The following ARAP1 variants were observed in gnomAD, a reference collection of about 807,000 sequenced individuals.
ARAP1 encodes arf-GAP with Rho-GAP domain, ANK repeat and PH domain-containing protein 1.
Under a neutral mutation model 172.2 loss-of-function variants are expected in ARAP1, and 76 were observed. The observed-to-expected ratio is 0.44, with a 90% CI of 0.37 to 0.53. The LOEUF is 0.53. Among genes scored for constraint, ARAP1 ranks in the 20% least tolerant of loss-of-function variants. The pLI is 0.00. For synonymous variants in ARAP1, 804 were observed against 803.3 expected, an observed-to-expected ratio of 1.00 and a Z score of -0.01; for missense variants, 1,686 against 1,977.5, an observed-to-expected ratio of 0.85 and a Z score of 2.80.
At chr11:72,690,477 C>T (rs771390498) in intron 30 of ARAP1, among the ~76,000 whole-genome samples, 1 of 152,202 alleles carries the variant, frequency 6.6e-6, no homozygotes, top group Non-Finnish European at 1.5e-5. Context: ...GCAACCCCAA[C>T]TCATGGGATC....
chr11:72,738,272 G>A (rs751399083), intron 1 of ARAP1, among the ~76,000 whole-genome samples: 9 of 152,306 alleles, frequency 5.9e-5, no homozygotes, highest in Non-Finnish European at 8.8e-5. Context: ...CTGGCCCTCC[G>A]TCACCTGCAT....
At chr11:72,732,663 G>A (rs894266638) in intron 1 of ARAP1, 66 bp from the exon 2 acceptor site, 3 of 152,650 alleles carry the variant, frequency 2.0e-5, no homozygotes, top group Non-Finnish European at 2.9e-5. Flanking sequence ...CAGAGAAGGA[G>A]AGGGGAAGAG....
Position 72,712,555 on chromosome 11 carries a change from G to C in ARAP1, c.761C>G (p.Pro254Arg), listed in dbSNP as rs115556004. The stretch of plus-strand genomic sequence containing the variant: ...GCGCACGGCCCGTGGGACTCGGCTC[G>C]GTGGGGGCTCCTCCTGCCCCCGAGA... ...RVMTKKEEPP[P>R]SRVPRAVRVA... The change falls in exon 6 of 35, where the codon CCG becomes CGG. Residue 254 changes from proline (P) to arginine (R), a missense_variant. Physicochemically the swap from Pro to Arg is moderately radical, Grantham distance 103 (BLOSUM62 -2). Transcript: ENST00000393609. 6.2e-7 allele frequency: 1 copy of C among 1,612,636 alleles called. No individual in the cohort carries two copies. The highest frequency in any genetic ancestry group is 1.1e-5 in the South Asian group (1 of 91,046).
At chr11:72,738,417 C>A (rs1044958693) in intron 1 of ARAP1, among the ~76,000 whole-genome samples, 2 of 152,116 alleles carry the variant, frequency 1.3e-5, no homozygotes, top group Non-Finnish European at 2.9e-5. Flanking sequence ...GCTCTGGAGT[C>A]CTCTTGGCCA....
At chr11:72,696,493 G>A in intron 23 of ARAP1, 56 bp downstream of exon 23, 5 of 1,400,832 alleles carry the variant, frequency 3.6e-6, no homozygotes, top group Admixed American at 2.5e-5. Flanking sequence ...CCAGGGTGGG[G>A]GTAGAAGAAC....
At chr11:72,747,301 T>C (rs1858397561) in intron 1 of ARAP1, among the ~76,000 whole-genome samples, 1 of 152,168 alleles carries the variant, frequency 6.6e-6, no homozygotes, top group Non-Finnish European at 1.5e-5. Context: ...CTCTGATGCC[T>C]TAATCTTCCT....
At chr11:72,703,683 C>T (rs960551830) in intron 14 of ARAP1, among the ~76,000 whole-genome samples, 5 of 152,236 alleles carry the variant, frequency 3.3e-5, no homozygotes, top group African/African-American at 4.8e-5. Context: ...AGCTGGCTGC[C>T]TCCCACTCAG....
chr11:72,710,061 G>T lies in ARAP1; in HGVS notation c.1417-85C>A. On this transcript the variant is annotated intron_variant, in intron 10 of 34. Coordinates refer to ENST00000393609, the MANE Select transcript of ARAP1 (RefSeq NM_001040118.3). This position sits in a 1 kb window ranked among gnomAD's most constrained non-coding sequence, Gnocchi z 4.3. ...GACAGGGAGAGGAAGGGAAGGTGGT[G>T]CAACTCAGGGACTGGGGGGGGTGCC... is the stretch of plus-strand genomic sequence containing the variant. The T allele has an allele frequency of 8.0e-7, 1 of 1,246,710 alleles. No homozygotes were observed. The highest frequency in any genetic ancestry group is 1.2e-6 in the Non-Finnish European group (1 of 851,400). The allele number at this position is 1,246,710 out of a possible 1,614,324, so 77.2% of individuals were successfully genotyped here. A position where few individuals can be genotyped will look rare whatever the true frequency, so the allele number is the denominator to read the frequency against.
chr11:72,736,841 G>A (rs1243027172), intron 1 of ARAP1, among the ~76,000 whole-genome samples: 1 of 152,146 alleles, frequency 6.6e-6, no homozygotes, highest in Non-Finnish European at 1.5e-5. Context: ...CACCCACAGG[G>A]AGGAAGTGAC....
chr11:72,718,168 C>A (rs897882025), intron 3 of ARAP1, among the ~76,000 whole-genome samples: 2 of 152,316 alleles, frequency 1.3e-5, no homozygotes, highest in East Asian at 3.9e-4. Context: ...CTGCTTACCA[C>A]AGGGTATCAG....
intron 20 of ARAP1, 37 bp from the exon 21 acceptor site, chr11:72,697,523 C>A (rs1484226819): frequency 1.2e-6 from 2 of 1,612,714 alleles, no homozygotes; most frequent in Non-Finnish European, 1.7e-6. Context: ...GGGGCCTACA[C>A]CTATCCCACC....
intron 1 of ARAP1, among the ~76,000 whole-genome samples, chr11:72,747,617 C>T (rs1858407146): frequency 1.3e-5 from 2 of 152,226 alleles, no homozygotes; most frequent in Admixed American, 1.3e-4. Context: ...CTCTTGCTTT[C>T]CTTGGCTGAG....
In ARAP1 at chr11:72,703,017, C is replaced by A; in HGVS notation, c.2055G>T (p.Gly685=). ...LAETQALLGC[G]AGINCFSGDP... ...CCCCCGAGAAGCAGTTGATCCCAGC[C>A]CCACAGCCCAGGAGCGCCTGGGTCT... The change falls in exon 15 of 35, where the codon GGG becomes GGT. Residue 685 remains glycine (G), a synonymous_variant. Transcript: ENST00000393609. 6.3e-7 allele frequency: 1 copy of A among 1,591,784 alleles called. No homozygotes were observed. Among genetic ancestry groups the A allele is most frequent in the Non-Finnish European group, 8.5e-7 (1 of 1,170,366 alleles).
At position 72,686,131 on chromosome 11, in the gene ARAP1, G is replaced by T. The variant is rs575849385; in HGVS notation, c.4246C>A (p.Arg1416=). 8 of 1,613,970 alleles carry T rather than the reference G, an allele frequency of 5.0e-6. 1 individual carries two copies. In the South Asian group the frequency reaches 8.8e-5, roughly 18 times the overall value. ...SRVSRAVPEV[R]LGSVSLIPLR... is the part of the protein sequence containing the mutation. ...GGGATCAGTGACACACTACCCAGCC[G>T]GACCTCAGGCACTGCCCGGGACACG... is the stretch of plus-strand genomic sequence containing the variant. The change falls in exon 34 of 35, where the codon CGG becomes AGG. Residue 1416 remains arginine (R), a synonymous_variant. Transcript: ENST00000393609.
intron 3 of ARAP1, among the ~76,000 whole-genome samples, chr11:72,715,338 G>A (rs996194935): frequency 3.4e-5 from 5 of 145,744 alleles, no homozygotes; most frequent in South Asian, 2.2e-4. Context: ...TGCCCTGCAG[G>A]GGCCAAGGAG....
intron 21 of ARAP1, 30 bp from the exon 22 acceptor site, chr11:72,697,225 G>T: frequency 1.3e-6 from 2 of 1,592,760 alleles, no homozygotes; most frequent in Non-Finnish European, 1.7e-6. Context: ...AGCGTTCGGG[G>T]CCTGAGGCAT....
chr11:72,703,410 G>GGGGGGC (rs1555013442), intron 14 of ARAP1: 1 of 63,680 alleles, frequency 1.6e-5, no homozygotes, highest in Admixed American at 1.3e-4. Context: ...GGAGGAGCCG[G>GGGGGGC]GGGGGGGGTG....
intron 1 of ARAP1, among the ~76,000 whole-genome samples, chr11:72,750,518 C>T (rs1858501562): frequency 1.3e-5 from 2 of 152,100 alleles, no homozygotes. Flanking sequence ...TGACCCCTTC[C>T]CCTGGGTTCT....
At chr11:72,739,406 A>G (rs1858134872) in intron 1 of ARAP1, among the ~76,000 whole-genome samples, 1 of 152,070 alleles carries the variant, frequency 6.6e-6, no homozygotes. Flanking sequence ...CAGGGCAGTG[A>G]GGACTGAGTG....
Sources: allele counts gnomAD v4.1 joint callset (sites outside exome capture counted in the v4.1 genomes callset), GRCh38; gene constraint gnomAD v4.1.1; non-coding constraint Gnocchi (gnomAD v3.1); transcripts MANE v1.5; gene names NCBI Gene and HGNC (gene_info 2026-07-23, HGNC 2026-07-21).